The following MECOM variants were observed in gnomAD, a reference collection of about 807,000 sequenced individuals.
The protein encoded by MECOM is histone-lysine N-methyltransferase MECOM.
A neutral mutation model predicts 116.3 loss-of-function variants in MECOM; 13 were observed. That is an observed-to-expected ratio of 0.11 (90% confidence interval 0.07 to 0.18). The LOEUF (loss-of-function observed/expected upper bound fraction) is 0.18, where lower values mean the gene tolerates loss of function less well. Ranked by LOEUF, MECOM falls within the 10% of genes least tolerant of loss-of-function variation. The pLI is 1.00. For synonymous variants in MECOM, 528 were observed against 535.2 expected (o/e 0.99, Z 0.19); for missense variants, 1,299 against 1,509.0 (o/e 0.86, Z 2.31).
At chr3:169,415,504 T>C (rs754095540) in intron 1 of MECOM, among the ~76,000 whole-genome samples, 2 of 152,174 alleles carry the variant, frequency 1.3e-5, no homozygotes, top group Non-Finnish European at 2.9e-5. Context: ...GCTAGCATCA[T>C]GATAGGATCA....
intron 2 of MECOM, chr3:169,147,123 C>T (rs1740148786): frequency 1.0e-6 from 1 of 986,192 alleles, no homozygotes. Flanking sequence ...CCTCTTTTCT[C>T]ACTTTCTCTT....
chr3:169,462,387 T>C (rs1747594752), intron 1 of MECOM, among the ~76,000 whole-genome samples: 1 of 152,210 alleles, frequency 6.6e-6, no homozygotes, highest in Admixed American at 6.5e-5. Context: ...CTCTTTCCCA[T>C]CTTTGCCAGC....
chr3:169,397,753 C>G (rs1452448654), intron 1 of MECOM, among the ~76,000 whole-genome samples: 1 of 152,138 alleles, frequency 6.6e-6, no homozygotes, highest in East Asian at 1.9e-4. Context: ...CCAGCATTCT[C>G]CCAAAGTTCT....
intron 1 of MECOM, among the ~76,000 whole-genome samples, chr3:169,392,923 C>T (rs1174340618): frequency 1.3e-5 from 2 of 152,094 alleles, no homozygotes; most frequent in African/African-American, 4.8e-5. Context: ...ACTGATGCTT[C>T]CAAATAACTC....
intron 9 of MECOM, among the ~76,000 whole-genome samples, chr3:169,112,493 T>C (rs979031457): frequency 2.6e-5 from 4 of 152,028 alleles, no homozygotes; most frequent in Non-Finnish European, 5.9e-5. Context: ...AAACACATCT[T>C]GGATATTTAT....
At chr3:169,145,111 G>T in intron 2 of MECOM, 2 of 1,159,810 alleles carry the variant, frequency 1.7e-6, no homozygotes, top group Admixed American at 2.9e-5. Flanking sequence ...ATTTAAAAAA[G>T]AAAAATCGAA....
intron 1 of MECOM, among the ~76,000 whole-genome samples, chr3:169,588,961 G>C (rs1311385273): frequency 6.6e-6 from 1 of 152,000 alleles, no homozygotes; most frequent in African/African-American, 2.4e-5. Context: ...AATACATAGG[G>C]TTTTTTTCTT....
chr3:169,225,516 T>A (rs1348967009), intron 2 of MECOM, among the ~76,000 whole-genome samples: 1 of 152,192 alleles, frequency 6.6e-6, no homozygotes, highest in African/African-American at 2.4e-5. Flanking sequence ...TACACCAAAT[T>A]CAAAAACAGG....
intron 1 of MECOM, among the ~76,000 whole-genome samples, chr3:169,569,230 A>T (rs535638369): frequency 3.0e-4 from 45 of 152,290 alleles, no homozygotes; most frequent in African/African-American, 1.0e-3. Context: ...ACCAACAAAG[A>T]TCAAAGAAGA....
At chr3:169,333,146 T>C (rs1723027960) in intron 2 of MECOM, among the ~76,000 whole-genome samples, 1 of 152,112 alleles carries the variant, frequency 6.6e-6, no homozygotes, top group Admixed American at 6.6e-5. Context: ...ATTATACATG[T>C]TTATAATAAA....
At chr3:169,343,557 A>C (rs1444527129) in intron 2 of MECOM, among the ~76,000 whole-genome samples, 5 of 152,216 alleles carry the variant, frequency 3.3e-5, no homozygotes, top group African/African-American at 4.8e-5. Flanking sequence ...AAGTCTAAGA[A>C]CTGGAGTCTA....
At chr3:169,451,572 C>A (rs965051434) in intron 1 of MECOM, among the ~76,000 whole-genome samples, 8 of 152,234 alleles carry the variant, frequency 5.3e-5, no homozygotes, top group African/African-American at 1.7e-4. Context: ...AAAAATGTCC[C>A]ATTCTTTCTT....
intron 8 of MECOM, among the ~76,000 whole-genome samples, chr3:169,113,723 T>C (rs1260466815): frequency 6.6e-6 from 1 of 152,154 alleles, no homozygotes; most frequent in Non-Finnish European, 1.5e-5. Flanking sequence ...CTTTTAGATA[T>C]GTGCACTCTT....
At chr3:169,283,204 C>T (rs1712496424) in intron 2 of MECOM, among the ~76,000 whole-genome samples, 1 of 151,948 alleles carries the variant, frequency 6.6e-6, no homozygotes, top group African/African-American at 2.4e-5. Context: ...AATGAATACA[C>T]TTATTACAAA....
intron 1 of MECOM, among the ~76,000 whole-genome samples, chr3:169,635,674 T>A (rs1462798260): frequency 6.6e-6 from 1 of 152,252 alleles, no homozygotes; most frequent in Non-Finnish European, 1.5e-5. Context: ...TCTCACAGGA[T>A]GTGGCTGCAT....
rs549595925 is a variant in MECOM at position 169,264,992 on chromosome 3, G to A, written c.375+116195C>T. ...ATTAGTCAGGAACTGGAACTGTCAG[G>A]ATCTCTACCAACTAAGATCTTCTTA... On this transcript the variant is annotated intron_variant, in intron 2 of 16. Coordinates refer to ENST00000651503, the MANE Select transcript of MECOM (RefSeq NM_004991.4). Among the ~76,000 whole-genome samples the A allele has an allele frequency of 2.7e-4, 41 of 151,624 alleles. No homozygotes were observed. The South Asian group carries it at 7.9e-3, about 29-fold the overall frequency.
intron 2 of MECOM, among the ~76,000 whole-genome samples, chr3:169,332,921 G>T (rs890641379): frequency 2.0e-5 from 3 of 152,076 alleles, no homozygotes; most frequent in South Asian, 4.2e-4. Flanking sequence ...GAAAAATTTA[G>T]TAAGGAATGC....
At chr3:169,465,984 T>C (rs1315107376) in intron 1 of MECOM, among the ~76,000 whole-genome samples, 1 of 152,206 alleles carries the variant, frequency 6.6e-6, no homozygotes, top group Non-Finnish European at 1.5e-5. Flanking sequence ...AGTCATGGTG[T>C]AAAAATCACA....
At chr3:169,278,259 C>T (rs1367306925) in intron 2 of MECOM, among the ~76,000 whole-genome samples, 1 of 152,166 alleles carries the variant, frequency 6.6e-6, no homozygotes, top group Non-Finnish European at 1.5e-5. Context: ...GGGCTATCAT[C>T]GGAATTTCAT....
Sources: gnomAD v4.1 joint callset for allele counts (sites outside exome capture counted in the v4.1 genomes callset) on GRCh38, gnomAD v4.1.1 for gene constraint, MANE v1.5 for transcripts, NCBI Gene and HGNC (gene_info 2026-07-23, HGNC 2026-07-21) for gene names.